Variants in STXBP2 observed in about 807,000 individuals in gnomAD.
The protein encoded by STXBP2 is syntaxin binding protein 2.
A neutral mutation model predicts 72.2 loss-of-function variants in STXBP2; 47 were observed. The ratio of observed to expected loss-of-function variants is 0.65; its 90% CI spans 0.51 to 0.83. The LOEUF is 0.83. STXBP2 is among the 40% of genes least tolerant of loss of function. The pLI is 0.00. For missense variants in STXBP2, 702 were observed against 807.6 expected (o/e 0.87, Z 1.58); for synonymous variants, 367 against 338.7 (o/e 1.08, Z -0.92).
chr19:7,630,846 G>T, the STXBP2 span: 1 of 1,537,256 alleles, frequency 6.5e-7, no homozygotes, highest in East Asian at 2.4e-5. Flanking sequence ...CACCTGAGAA[G>T]GTAAGTGATC....
chr19:7,631,897 C>A, upstream of STXBP2: 1 of 1,215,976 alleles, frequency 8.2e-7, no homozygotes, highest in Admixed American at 3.0e-5. Flanking sequence ...TGCAGGTAGC[C>A]ACCGTGTCCC....
chr19:7,642,873 T>G lies in STXBP2; in HGVS notation c.960+50T>G, dbSNP rs1159125305. 3 of 1,612,898 alleles carry G rather than the reference T, an allele frequency of 1.9e-6. No homozygotes were observed. The Admixed American group carries it at 5.0e-5, about 27-fold the overall frequency. On this transcript the variant is annotated intron_variant, in intron 11 of 18. Coordinates refer to ENST00000221283, the MANE Select transcript of STXBP2 (RefSeq NM_006949.4). The surrounding 1 kb of genome is among the most constrained non-coding windows in gnomAD (Gnocchi z 6.0). ...AGGCGCTGGTGGAAGGAAGCCCCCC[T>G]CCCCATGGGCGCAGGGCCACAGCCT...
In STXBP2 at chr19:7,640,469, TG is replaced by T. The variant is rs577324421; in HGVS notation, c.247-261del. On this transcript the variant is annotated intron_variant, in intron 4 of 18. Coordinates refer to ENST00000221283, the MANE Select transcript of STXBP2 (RefSeq NM_006949.4). ...GTGTGTATGTATGTGTGTGCATCTC[TG>T]TGTGTGCATGTGTGTATGTGTGTGT... 1,949 of 677,494 alleles carry T rather than the reference TG, an allele frequency of 2.9e-3. 18 individuals are homozygous for T. The highest frequency in any genetic ancestry group is 0.019 in the African/African-American group (1,067 of 55,322). The allele number at this position is 677,494 out of a possible 1,614,324, so 42.0% of individuals were successfully genotyped here. A position where few individuals can be genotyped will look rare whatever the true frequency, so the allele number is the denominator to read the frequency against.
intron 4 of STXBP2, chr19:7,640,069 CG>C (rs1380821596): frequency 2.4e-4 from 145 of 601,404 alleles, no homozygotes; most frequent in Non-Finnish European, 1.5e-4. Context: ...TGTGTGTATG[CG>C]TGTGTGTCTG....
At chr19:7,643,331 T>G in intron 13 of STXBP2, 86 bp downstream of exon 13, 3 of 1,243,192 alleles carry the variant, frequency 2.4e-6, no homozygotes, top group Non-Finnish European at 3.4e-6. Context: ...GATGGGGGGT[T>G]CTGGGGGAGG....
At chr19:7,632,479 T>C (rs201277781), upstream of STXBP2, 9 of 1,613,796 alleles carry the variant, frequency 5.6e-6, no homozygotes, top group East Asian at 1.1e-4. This position sits in a 1 kb window ranked among gnomAD's most constrained non-coding sequence, Gnocchi z 5.2. Flanking sequence ...CTGGCCAGCA[T>C]GTCCATGAGG....
At chr19:7,634,535 T>C (rs2031456937), upstream of STXBP2, among the ~76,000 whole-genome samples, 1 of 152,224 alleles carries the variant, frequency 6.6e-6, no homozygotes, top group South Asian at 2.1e-4. Context: ...AGTTGACTTT[T>C]GTTATATATT....
In STXBP2 at chr19:7,640,219, C is replaced by T. The variant is rs539772138; in HGVS notation, c.246+412C>T. The T allele has an allele frequency of 4.8e-4, 220 of 456,874 alleles. 2 individuals carry two copies. Among genetic ancestry groups the T allele is most frequent in the African/African-American group, 3.7e-3 (136 of 37,100 alleles). 28.3% of individuals were successfully genotyped at this position (456,874 alleles called of 1,614,324 possible). A position where few individuals can be genotyped will look rare whatever the true frequency, so the allele number is the denominator to read the frequency against. On this transcript the variant is annotated intron_variant, in intron 4 of 18. Coordinates refer to ENST00000221283, the MANE Select transcript of STXBP2 (RefSeq NM_006949.4). ...GTATGCGTGTGTATGTATGTGTCTG[C>T]GTCTGTGTGTGCGTCTGTGTGTATC...
At chr19:7,646,190 C>T (rs745467358) in intron 15 of STXBP2, 59 bp from the exon 16 acceptor site, 3 of 1,476,762 alleles carry the variant, frequency 2.0e-6, no homozygotes, top group African/African-American at 2.8e-5. Context: ...GGCGCAGCCC[C>T]TCTGTGACCA....
chr19:7,637,528 G>A (rs931606111), intron 1 of STXBP2, among the ~76,000 whole-genome samples: 27 of 152,040 alleles, frequency 1.8e-4, no homozygotes, highest in African/African-American at 6.3e-4. Context: ...CTCTTAAGCC[G>A]GGCAAAGTTC....
chr19:7,637,114 C>T lies in STXBP2; in HGVS notation c.-36C>T, dbSNP rs1568461967. The T allele has an allele frequency of 3.2e-6, 4 of 1,236,436 alleles. No homozygotes were observed. Among genetic ancestry groups the T allele is most frequent in the Non-Finnish European group, 4.0e-6 (4 of 988,040 alleles). The allele number at this position is 1,236,436 out of a possible 1,614,324, so 76.6% of individuals were successfully genotyped here. The stretch of plus-strand genomic sequence containing the variant: ...GCGGGGCCACGCCCCCACCTTGGGA[C>T]ACACCCGGAAGCGGCGGCGGCGCCC... On this transcript the variant is annotated 5_prime_UTR_variant, in exon 1 of 19. Coordinates refer to ENST00000221283, the MANE Select transcript of STXBP2 (RefSeq NM_006949.4).
intron 4 of STXBP2, 74 bp downstream of exon 4, chr19:7,639,881 C>T (rs1335900070): frequency 1.4e-5 from 21 of 1,457,152 alleles, no homozygotes; most frequent in Non-Finnish European, 2.0e-5. Context: ...TGTCTGCATG[C>T]ATGTGATTGC....
chr19:7,640,173 CGT>C (rs752855546), intron 4 of STXBP2: 3 of 458,026 alleles, frequency 6.5e-6, no homozygotes, highest in Non-Finnish European at 1.2e-5. Flanking sequence ...TGTGTGTGTG[CGT>C]CTGTCTGTGT....
chr19:7,641,274 G>T (rs1441808668), intron 6 of STXBP2: 4 of 529,454 alleles, frequency 7.6e-6, no homozygotes, highest in African/African-American at 5.7e-5. Context: ...TGGGGCTGGG[G>T]TGGGAGAGTC....
chr19:7,642,576 A>C lies in STXBP2; in HGVS notation c.902+40A>C. The C allele has an allele frequency of 6.2e-7, 1 of 1,601,608 alleles. No individual in the cohort carries two copies. The highest frequency in any genetic ancestry group is 2.2e-5 in the East Asian group (1 of 44,770). On this transcript the variant is annotated intron_variant, in intron 10 of 18. Coordinates refer to ENST00000221283, the MANE Select transcript of STXBP2 (RefSeq NM_006949.4). This position sits in a 1 kb window ranked among gnomAD's most constrained non-coding sequence, Gnocchi z 6.0. ...GGACCGGATCCCCCCCCCACCGCCC[A>C]CTGTGGGCCTGGTAGCGGCCTTGGG...
At chr19:7,643,887 G>A (rs539116767) in intron 13 of STXBP2, among the ~76,000 whole-genome samples, 5 of 147,006 alleles carry the variant, frequency 3.4e-5, no homozygotes, top group Admixed American at 3.4e-4. Flanking sequence ...CCTTGGAGAG[G>A]TGGGACCTGA....
Position 7,646,112 on chromosome 19 carries a change from G to A in STXBP2, c.1357-137G>A, listed in dbSNP as rs1296939929. On this transcript the variant is annotated intron_variant, in intron 15 of 18. Transcript: ENST00000221283. Reference sequence around the variant, plus strand: ...CTCTCTCGCTTTCTTGCTGTCTCTCGCTCTCTCTCGCTCTCTGTTCCACTT... The same window carrying A: ...CTCTCTCGCTTTCTTGCTGTCTCTCACTCTCTCTCGCTCTCTGTTCCACTT... 15 of 672,692 alleles carry A rather than the reference G, an allele frequency of 2.2e-5. 1 individual carries two copies. Among genetic ancestry groups the A allele is most frequent in the Middle Eastern group, 4.0e-4 (1 of 2,484 alleles). 41.7% of individuals were successfully genotyped at this position (672,692 alleles called of 1,614,324 possible). A position where few individuals can be genotyped will look rare whatever the true frequency, so the allele number is the denominator to read the frequency against.
chr19:7,633,795 C>A, upstream of STXBP2: 1 of 349,748 alleles, frequency 2.9e-6, no homozygotes, highest in Non-Finnish European at 5.3e-6. Flanking sequence ...GGGAGGCCAA[C>A]AGTGTAGGGT....
Position 7,647,251 on chromosome 19 carries a change from A to C in STXBP2, c.1538+4A>C, listed in dbSNP as rs1283610826. The C allele has an allele frequency of 1.2e-6, 2 of 1,610,566 alleles. No homozygotes were observed. The highest frequency in any genetic ancestry group is 3.3e-5 in the Admixed American group (2 of 59,944). On this transcript the variant is annotated splice_donor_region_variant and intron_variant, in intron 17 of 18. Coordinates refer to ENST00000221283, the MANE Select transcript of STXBP2 (RefSeq NM_006949.4). ...CCAGCTCCCAGGCCGCTGTCAGGTG[A>C]GGCCCCGGGGCCGCCCCCGCCCACG... is the stretch of plus-strand genomic sequence containing the variant.
Sources: gnomAD v4.1 joint callset for allele counts (sites outside exome capture counted in the v4.1 genomes callset) on GRCh38, gnomAD v4.1.1 for gene constraint, Gnocchi (gnomAD v3.1) non-coding constraint, MANE v1.5 for transcripts, NCBI Gene and HGNC (gene_info 2026-07-23, HGNC 2026-07-21) for gene names.